ZNF43: variants seen among roughly 807,000 people sequenced by gnomAD.
ZNF43 encodes the protein zinc finger protein 43, also known as zinc finger protein 39-like 1 (KOX 27).
Under a neutral mutation model 68.4 loss-of-function variants are expected in ZNF43, and 44 were observed. The ratio of observed to expected loss-of-function variants is 0.64; its 90% CI spans 0.51 to 0.83. The LOEUF (loss-of-function observed/expected upper bound fraction) is 0.83, where lower values mean the gene tolerates loss of function less well. Ranked by LOEUF, ZNF43 falls within the 40% of genes least tolerant of loss-of-function variation. The pLI is 0.00. For missense variants in ZNF43, 896 were observed against 933.2 expected (o/e 0.96, Z 0.52); for synonymous variants, 308 against 307.8 (o/e 1.00, Z -0.01).
At chr19:21,825,043 C>T (rs952252882) in intron 1 of ZNF43, among the ~76,000 whole-genome samples, 2 of 152,200 alleles carry the variant, frequency 1.3e-5, no homozygotes, top group East Asian at 3.9e-4. Context: ...TGAGACCAGC[C>T]TGGCCAACAC....
Position 21,819,156 on chromosome 19 carries a change from A to G in ZNF43, c.69T>C (p.Ile23=). 1 of 1,611,066 alleles carries G rather than the reference A, an allele frequency of 6.2e-7. No individual in the cohort carries two copies. The highest frequency in any genetic ancestry group is 8.5e-7 in the Non-Finnish European group (1 of 1,178,862). ...FCLEEWQCLD[I]AQQNLYRNVM... Reference sequence around the variant, plus strand: ...CATTCCTATATAAATTCTGCTGTGCAATGTCCAGGCATTGCCACTCCTCCA... The same window carrying G: ...CATTCCTATATAAATTCTGCTGTGCGATGTCCAGGCATTGCCACTCCTCCA... The change falls in exon 2 of 4, where the codon ATT becomes ATC. Residue 23 remains isoleucine, a synonymous_variant. Transcript: ENST00000354959.
chr19:21,807,551 C>G lies in ZNF43; in HGVS notation c.*56G>C, dbSNP rs2036995822. 2 of 1,418,240 alleles carry G rather than the reference C, an allele frequency of 1.4e-6. No individual in the cohort carries two copies. The allele number at this position is 1,418,240 out of a possible 1,614,324, so 87.9% of individuals were successfully genotyped here. A position where few individuals can be genotyped will look rare whatever the true frequency, so the allele number is the denominator to read the frequency against. On this transcript the variant is annotated 3_prime_UTR_variant, in exon 4 of 4. Transcript: ENST00000354959. ...TCTTACCTACAATCAAGTGTGACAA[C>G]CATGTAAAGCCTTTATCACATTCTT...
In ZNF43 at chr19:21,844,134, C is replaced by A. The variant is rs529505484; in HGVS notation, c.30+7771G>T. 2.0e-5 allele frequency among the ~76,000 whole-genome samples: 3 copies of A among 152,058 alleles called. No individual in the cohort carries two copies. The South Asian group carries it at 6.2e-4, about 32-fold the overall frequency. ...TCGTACCTGCGGCCCTAGGCCCAGA[C>A]TGGGGCAGGTGGATCATGAGGTCAG... is the stretch of plus-strand genomic sequence containing the variant. On this transcript the variant is annotated intron_variant, in intron 1 of 3. Coordinates refer to the ZNF43 transcript ENST00000357491.
At chr19:21,829,802 A>G (rs1269574780) in intron 1 of ZNF43, among the ~76,000 whole-genome samples, 5 of 152,214 alleles carry the variant, frequency 3.3e-5, no homozygotes, top group Non-Finnish European at 5.9e-5. Flanking sequence ...TTCAGTAGAC[A>G]TTGGATTCAT....
At chr19:21,811,552 A>C (rs1256629718) in intron 3 of ZNF43, among the ~76,000 whole-genome samples, 6 of 151,808 alleles carry the variant, frequency 4.0e-5, no homozygotes. Flanking sequence ...AAAAACAAAA[A>C]AAAAAAACTA....
chr19:21,848,415 G>A (rs975042098), intron 1 of ZNF43, among the ~76,000 whole-genome samples: 6 of 151,990 alleles, frequency 3.9e-5, no homozygotes, highest in Non-Finnish European at 7.4e-5. Flanking sequence ...CAGAGTGCTG[G>A]GATTACAGGC....
At chr19:21,823,571 C>CTTTTTTT (rs10605024) in intron 1 of ZNF43, among the ~76,000 whole-genome samples, 1 of 83,496 alleles carries the variant, frequency 1.2e-5, no homozygotes, top group Non-Finnish European at 2.1e-5. Context: ...AGAATCAGGC[C>CTTTTTTT]TTTTTTTTTT....
At chr19:21,817,697 A>C (rs1272293835) in intron 3 of ZNF43, among the ~76,000 whole-genome samples, 191 bp downstream of exon 3, 1 of 152,200 alleles carries the variant, frequency 6.6e-6, no homozygotes, top group Non-Finnish European at 1.5e-5. Context: ...GGGAAATAAG[A>C]ATCCTGAGAG....
chr19:21,824,184 C>CA (rs1173477675), intron 1 of ZNF43, among the ~76,000 whole-genome samples: 3 of 151,852 alleles, frequency 2.0e-5, no homozygotes, highest in Non-Finnish European at 1.5e-5. Context: ...GACTCTGTCT[C>CA]AAAAAAAGAA....
At chr19:21,829,395 A>G (rs2038315656) in intron 1 of ZNF43, among the ~76,000 whole-genome samples, 1 of 152,208 alleles carries the variant, frequency 6.6e-6, no homozygotes, top group Non-Finnish European at 1.5e-5. Flanking sequence ...AGTATTTTTT[A>G]GTTTTTACCA....
chr19:21,849,983 G>A (rs1343378727), intron 1 of ZNF43: 1 of 152,192 alleles, frequency 6.6e-6, no homozygotes, highest in Non-Finnish European at 1.5e-5. Context: ...TCTTTTCTGA[G>A]GGCAGAGACC....
At position 21,807,321 on chromosome 19, in the gene ZNF43, A is replaced by G; in HGVS notation, c.*286T>C. 1 of 233,284 alleles carries G rather than the reference A, an allele frequency of 4.3e-6. No individual in the cohort carries two copies. Among genetic ancestry groups the G allele is most frequent in the Admixed American group, 5.1e-5 (1 of 19,738 alleles). The allele number at this position is 233,284 out of a possible 1,614,324, so 14.5% of individuals were successfully genotyped here. Reference sequence around the variant, plus strand: ...TTTATTTTCTGAAAGATCTTTTGACACTAGTTGCATCTATAATGGTTTTAT... The same window carrying G: ...TTTATTTTCTGAAAGATCTTTTGACGCTAGTTGCATCTATAATGGTTTTAT... On this transcript the variant is annotated 3_prime_UTR_variant, in exon 4 of 4. Coordinates refer to ENST00000354959, the MANE Select transcript of ZNF43 (RefSeq NM_003423.4).
intron 1 of ZNF43, among the ~76,000 whole-genome samples, chr19:21,835,806 C>A (rs903518296): frequency 2.0e-5 from 3 of 152,230 alleles, no homozygotes; most frequent in African/African-American, 7.2e-5. Context: ...CGCGTTGCGG[C>A]TGCAGAGCTG....
At chr19:21,840,558 G>C (rs1967452613), upstream of ZNF43, 1 of 152,192 alleles carries the variant, frequency 6.6e-6, no homozygotes, top group Non-Finnish European at 1.5e-5. Flanking sequence ...TGGTTTGAGA[G>C]TCACCAGCCC....
chr19:21,825,510 T>G (rs1212318790), intron 1 of ZNF43, among the ~76,000 whole-genome samples: 1 of 152,166 alleles, frequency 6.6e-6, no homozygotes, highest in Non-Finnish European at 1.5e-5. Flanking sequence ...TTTCTCAGAT[T>G]AAAGTTTTTT....
intron 1 of ZNF43, among the ~76,000 whole-genome samples, chr19:21,832,544 C>T (rs751494761): frequency 6.6e-6 from 1 of 152,142 alleles, no homozygotes; most frequent in Admixed American, 6.5e-5. Flanking sequence ...CCTAATTAAA[C>T]TACAGAGCTT....
Position 21,836,132 on chromosome 19 carries a change from G to C in ZNF43, c.-94C>G. 6.3e-7 allele frequency: 1 copy of C among 1,598,890 alleles called. No individual in the cohort carries two copies. Among genetic ancestry groups the C allele is most frequent in the South Asian group, 1.1e-5 (1 of 89,882 alleles). ...CAGAGGCTGGACCTCTAGCAGCAGA[G>C]GACACAGAAGAACGAAGACGAGACG... On this transcript the variant is annotated 5_prime_UTR_variant, in exon 1 of 4. Transcript: ENST00000354959.
upstream of ZNF43, among the ~76,000 whole-genome samples, chr19:21,838,553 C>T (rs1004245150): frequency 1.3e-5 from 2 of 152,040 alleles, no homozygotes; most frequent in Admixed American, 6.6e-5. Context: ...ATGTGCGCTA[C>T]CACACCTGGC....
chr19:21,819,339 A>G, intron 1 of ZNF43, 118 bp from the exon 2 acceptor site: 6 of 1,128,366 alleles, frequency 5.3e-6, no homozygotes, highest in Non-Finnish European at 7.3e-6. Flanking sequence ...ACTGACTTAT[A>G]GAAGAGACTG....
Sources: allele counts gnomAD v4.1 joint callset (sites outside exome capture counted in the v4.1 genomes callset), GRCh38; gene constraint gnomAD v4.1.1; transcripts MANE v1.5; gene names NCBI Gene and HGNC (gene_info 2026-07-23, HGNC 2026-07-21).